The following ABTB2 variants were observed in gnomAD, a reference collection of about 807,000 sequenced individuals.
ABTB2 encodes the protein ankyrin repeat and BTB domain containing 2.
In ABTB2, 56 loss-of-function variants were observed where a neutral mutation model predicts 104.1. That is an observed-to-expected ratio of 0.54 (90% confidence interval 0.43 to 0.67). ABTB2 has a LOEUF of 0.67. ABTB2 is among the 30% of genes least tolerant of loss of function. The pLI, the probability that ABTB2 is intolerant of heterozygous loss-of-function variation, is 0.00. For synonymous variants in ABTB2, 606 were observed against 608.2 expected (o/e 1.00, Z 0.05); for missense variants, 1,279 against 1,407.7 (o/e 0.91, Z 1.46).
At chr11:34,291,791 C>T (rs1299311712) in intron 1 of ABTB2, among the ~76,000 whole-genome samples, 4 of 152,132 alleles carry the variant, frequency 2.6e-5, no homozygotes, top group East Asian at 1.9e-4. Context: ...CCACCACGCC[C>T]GGCCTGATAT....
chr11:34,265,711 G>C (rs1011691370), intron 1 of ABTB2, among the ~76,000 whole-genome samples: 1 of 146,914 alleles, frequency 6.8e-6, no homozygotes. Flanking sequence ...GCTCATGCCT[G>C]TAAACCCAAC....
In ABTB2 at chr11:34,162,675, C is replaced by T. The variant is rs142325682; in HGVS notation, c.2119G>A (p.Val707Met). 46 of 1,613,104 alleles carry T rather than the reference C, an allele frequency of 2.9e-5. No individual in the cohort carries two copies. Among genetic ancestry groups the T allele is most frequent in the East Asian group, 2.5e-4 (11 of 44,882 alleles). Reference sequence around the variant, plus strand: ...TTGGTGCGGGTCCGGCTCAGCCGCACGGGCCCCTCGCTGCCACTGCCCTGG... The same window carrying T: ...TTGGTGCGGGTCCGGCTCAGCCGCATGGGCCCCTCGCTGCCACTGCCCTGG... Reference protein sequence around the residue: ...SSQGSGSEGPVRLSRTRTKAL... With the variant: ...SSQGSGSEGPMRLSRTRTKAL... The change falls in exon 10 of 17, where the codon GTG (valine) becomes ATG (methionine). Residue 707 changes from valine (V) to methionine (M), a missense_variant. Transcript: ENST00000435224.
chr11:34,270,449 C>G (rs1387581458), intron 1 of ABTB2, among the ~76,000 whole-genome samples: 1 of 151,606 alleles, frequency 6.6e-6, no homozygotes, highest in Non-Finnish European at 1.5e-5. Flanking sequence ...AAACTATTCT[C>G]CTGCTTCAGC....
In ABTB2 at chr11:34,154,473, C is replaced by A; in HGVS notation, c.2767-95G>T. ...AAGCTCCCGAGTGCCGTGTGCCCTGCTGCCTCCACCCTCAGGCCCCACTAC... is the reference window on the plus strand; with the variant it reads ...AAGCTCCCGAGTGCCGTGTGCCCTGATGCCTCCACCCTCAGGCCCCACTAC... On this transcript the variant is annotated intron_variant, in intron 15 of 16. Coordinates refer to ENST00000435224, the MANE Select transcript of ABTB2 (RefSeq NM_145804.3). This position sits in a 1 kb window ranked among gnomAD's most constrained non-coding sequence, Gnocchi z 4.9. 1.0e-6 allele frequency: 1 copy of A among 953,258 alleles called. No individual in the cohort carries two copies. Among genetic ancestry groups the A allele is most frequent in the Non-Finnish European group, 1.6e-6 (1 of 617,772 alleles). The allele number at this position is 953,258 out of a possible 1,614,324, so 59.0% of individuals were successfully genotyped here.
chr11:34,277,318 G>C (rs905053936), intron 1 of ABTB2, among the ~76,000 whole-genome samples: 1 of 152,100 alleles, frequency 6.6e-6, no homozygotes, highest in African/African-American at 2.4e-5. Context: ...TCAAGTTCAG[G>C]TCTTAGCCCG....
chr11:34,314,391 T>C (rs1854899167), intron 1 of ABTB2, among the ~76,000 whole-genome samples: 1 of 152,222 alleles, frequency 6.6e-6, no homozygotes, highest in African/African-American at 2.4e-5. Flanking sequence ...CTAGGGTATC[T>C]GTACTCCAAG....
At chr11:34,353,444 C>T (rs1415377795) in intron 1 of ABTB2, among the ~76,000 whole-genome samples, 3 of 152,268 alleles carry the variant, frequency 2.0e-5, no homozygotes, top group African/African-American at 7.2e-5. Flanking sequence ...TGCAAACTAC[C>T]TGTTTATAAA....
At chr11:34,260,538 G>A (rs1854176399) in intron 1 of ABTB2, among the ~76,000 whole-genome samples, 1 of 152,136 alleles carries the variant, frequency 6.6e-6, no homozygotes, top group Admixed American at 6.5e-5. Context: ...GTTACTCCTC[G>A]GGATGTTGTC....
chr11:34,166,906 AAAGGG>A (rs1231893051), intron 7 of ABTB2, among the ~76,000 whole-genome samples: 1 of 152,228 alleles, frequency 6.6e-6, no homozygotes, highest in Non-Finnish European at 1.5e-5. Context: ...AGGGAGGAGA[AAAGGG>A]AAGGGTCGGA....
chr11:34,294,700 C>T (rs1854599666), intron 1 of ABTB2, among the ~76,000 whole-genome samples: 1 of 151,308 alleles, frequency 6.6e-6, no homozygotes, highest in Non-Finnish European at 1.5e-5. Flanking sequence ...AGTGAGCCCT[C>T]GTGTCTCTAC....
intron 1 of ABTB2, among the ~76,000 whole-genome samples, chr11:34,326,489 G>A (rs917420316): frequency 1.3e-5 from 2 of 152,054 alleles, no homozygotes; most frequent in Admixed American, 6.5e-5. Context: ...AATTAGTTAG[G>A]TGTGGTGGCA....
At chr11:34,235,150 C>G (rs544775623) in intron 1 of ABTB2, among the ~76,000 whole-genome samples, 1 of 152,118 alleles carries the variant, frequency 6.6e-6, no homozygotes, top group East Asian at 1.9e-4. Context: ...CGTGAGCCAC[C>G]GTGCCCGGCC....
intron 1 of ABTB2, among the ~76,000 whole-genome samples, chr11:34,283,824 C>T (rs1854474483): frequency 6.6e-6 from 1 of 152,206 alleles, no homozygotes; most frequent in African/African-American, 2.4e-5. Context: ...TGGTTCCTTA[C>T]TCTCAGCAAC....
intron 1 of ABTB2, among the ~76,000 whole-genome samples, chr11:34,218,160 A>T (rs946065431): frequency 1.3e-5 from 2 of 152,178 alleles, no homozygotes; most frequent in Non-Finnish European, 2.9e-5. Flanking sequence ...CTGAGTTTTA[A>T]AAGTTCTTTG....
chr11:34,337,954 G>A (rs1173099813), intron 1 of ABTB2, among the ~76,000 whole-genome samples: 1 of 151,752 alleles, frequency 6.6e-6, no homozygotes, highest in Non-Finnish European at 1.5e-5. Flanking sequence ...TTCCCAAACT[G>A]TACATCCTCA....
At chr11:34,350,614 A>C (rs1433837664) in intron 1 of ABTB2, among the ~76,000 whole-genome samples, 1 of 152,182 alleles carries the variant, frequency 6.6e-6, no homozygotes, top group Non-Finnish European at 1.5e-5. Flanking sequence ...GGAGGAAGAT[A>C]CACCCCTGGG....
At chr11:34,317,758 T>G (rs1388608171) in intron 1 of ABTB2, among the ~76,000 whole-genome samples, 1 of 50,438 alleles carries the variant, frequency 2.0e-5, no homozygotes, top group Non-Finnish European at 3.6e-5. Context: ...CAAAATCCTG[T>G]CTCAAAAAAA....
At chr11:34,244,831 A>T (rs1853966112) in intron 1 of ABTB2, among the ~76,000 whole-genome samples, 1 of 152,114 alleles carries the variant, frequency 6.6e-6, no homozygotes, top group Admixed American at 6.5e-5. Context: ...TACATGGCAA[A>T]ACCACGTCTC....
At chr11:34,155,350 CAGGCCCGG>C (rs957583587) in intron 14 of ABTB2, among the ~76,000 whole-genome samples, 65 of 152,352 alleles carry the variant, frequency 4.3e-4, no homozygotes, top group Middle Eastern at 6.8e-3. Flanking sequence ...GCGCAGAGCC[CAGGCCCGG>C]AGGCCCGGAG....
Sources: allele counts gnomAD v4.1 joint callset (sites outside exome capture counted in the v4.1 genomes callset), GRCh38; gene constraint gnomAD v4.1.1; non-coding constraint Gnocchi (gnomAD v3.1); transcripts MANE v1.5; gene names NCBI Gene and HGNC (gene_info 2026-07-23, HGNC 2026-07-21).